Variants in SGMS2 observed in about 807,000 individuals in gnomAD.
The protein encoded by SGMS2 is phosphatidylcholine:ceramide cholinephosphotransferase 2.
In SGMS2, 21 loss-of-function variants were observed where a neutral mutation model predicts 43.8. That is an observed-to-expected ratio of 0.48 (90% confidence interval 0.34 to 0.69). SGMS2 has a LOEUF of 0.69. SGMS2 is among the 30% of genes least tolerant of loss of function. The pLI, the probability that SGMS2 is intolerant of heterozygous loss-of-function variation, is 0.01. For synonymous variants in SGMS2, 167 were observed against 160.6 expected (o/e 1.04, Z -0.30); for missense variants, 384 against 443.2 (o/e 0.87, Z 1.20).
In SGMS2 at chr4:107,895,908, G is replaced by T. The variant is rs1425626659; in HGVS notation, c.355G>T (p.Asp119Tyr). 4 of 1,613,896 alleles carry T rather than the reference G, an allele frequency of 2.5e-6. No individual in the cohort carries two copies. Among genetic ancestry groups the T allele is most frequent in the Non-Finnish European group, 3.4e-6 (4 of 1,179,914 alleles). Residue 119 changes from aspartate (D) to tyrosine (Y), a missense_variant, in exon 3 of 7, where the codon GAT becomes TAT. By Grantham distance (160) the Asp-to-Tyr change is radical (BLOSUM62 -3). Transcript: ENST00000690982. ...LSPPLPDKFF[D>Y]YIDRVKWAFS... ...CCCTCCACTCCCAGACAAGTTTTTT[G>T]ATTACATTGATAGGGTGAAATGGGC...
At chr4:107,899,800 C>A (rs995246636) in intron 4 of SGMS2, 108 bp downstream of exon 4, 1 of 574,706 alleles carries the variant, frequency 1.7e-6, no homozygotes, top group Middle Eastern at 2.8e-4. Context: ...TAGCTGAAAT[C>A]TAGCATCTTT....
At position 107,914,263 on chromosome 4, in the gene SGMS2, G is replaced by GA. The variant is rs764602361; in HGVS notation, c.*3711dup. The GA allele has an allele frequency of 9.2e-5, 14 of 152,014 alleles. No homozygotes were observed. The East Asian group carries it at 1.9e-3, about 21-fold the overall frequency. The allele number at this position is 152,014 out of a possible 1,614,324, so 9.4% of individuals were successfully genotyped here. ...TACAGATACACACCTTATAAGTTCT[G>GA]ATTTATTTTCTTACTCATTATGCTG... On this transcript the variant is annotated 3_prime_UTR_variant, in exon 7 of 7. Transcript: ENST00000690982.
chr4:107,839,666 GA>G (rs1308795293), intron 1 of SGMS2, among the ~76,000 whole-genome samples: 2 of 152,088 alleles, frequency 1.3e-5, no homozygotes, highest in Non-Finnish European at 2.9e-5. Context: ...CTTAATTAAA[GA>G]AAATATTAAG....
intron 1 of SGMS2, among the ~76,000 whole-genome samples, chr4:107,842,724 A>C (rs1311240467): frequency 6.6e-6 from 1 of 152,204 alleles, no homozygotes; most frequent in Non-Finnish European, 1.5e-5. Context: ...AACATTTTAA[A>C]GGCATTACAT....
rs1732206659 is a variant in SGMS2 at position 107,912,787 on chromosome 4, A to C, written c.*2234A>C. 2 of 152,184 alleles carry C rather than the reference A, an allele frequency of 1.3e-5. No homozygotes were observed. The highest frequency in any genetic ancestry group is 4.1e-4 in the South Asian group (2 of 4,830). 9.4% of individuals were successfully genotyped at this position (152,184 alleles called of 1,614,324 possible). ...TCCAGTTTTTTTTTAATTTAAAAAA[A>C]ACCATCACCTTTTAAAGAACTTTAA... is the stretch of plus-strand genomic sequence containing the variant. On this transcript the variant is annotated 3_prime_UTR_variant, in exon 7 of 7. Transcript: ENST00000690982.
chr4:107,826,038 G>A (rs921582614), intron 1 of SGMS2, among the ~76,000 whole-genome samples: 2 of 152,084 alleles, frequency 1.3e-5, no homozygotes, highest in African/African-American at 4.8e-5. Context: ...CAAATCCTTG[G>A]TTTCATTACC....
chr4:107,855,264 T>C (rs1015937319), intron 1 of SGMS2, among the ~76,000 whole-genome samples: 19 of 152,162 alleles, frequency 1.2e-4, no homozygotes, highest in African/African-American at 4.6e-4. Context: ...TCTTTTCTAG[T>C]TCCTTGAGGT....
intron 2 of SGMS2, among the ~76,000 whole-genome samples, chr4:107,870,041 C>T (rs1728443399): frequency 6.6e-6 from 1 of 152,128 alleles, no homozygotes; most frequent in Non-Finnish European, 1.5e-5. Flanking sequence ...TTTATATCTT[C>T]TTGGTGAGCT....
intron 1 of SGMS2, among the ~76,000 whole-genome samples, chr4:107,847,848 C>A (rs553804091): frequency 6.6e-6 from 1 of 152,084 alleles, no homozygotes. Flanking sequence ...ACTGAGTTCC[C>A]ATAAGCTATA....
chr4:107,901,177 A>C (rs1439433602), intron 4 of SGMS2, among the ~76,000 whole-genome samples: 3 of 152,194 alleles, frequency 2.0e-5, no homozygotes, highest in African/African-American at 7.2e-5. Context: ...TGGAACCTCT[A>C]GTAACATCCT....
chr4:107,854,058 GTTGA>G (rs750741912), intron 1 of SGMS2, among the ~76,000 whole-genome samples: 1 of 152,172 alleles, frequency 6.6e-6, no homozygotes, highest in Non-Finnish European at 1.5e-5. Context: ...CATTGCTATA[GTTGA>G]TTAATAAGAT....
chr4:107,856,605 G>C (rs1360326589), intron 1 of SGMS2, among the ~76,000 whole-genome samples: 6 of 152,170 alleles, frequency 3.9e-5, no homozygotes, highest in Non-Finnish European at 7.3e-5. Flanking sequence ...AGTCGAGAGA[G>C]GGTGATAACC....
chr4:107,895,404 G>T lies in SGMS2; in HGVS notation c.-150G>T. 6 of 773,092 alleles carry T rather than the reference G, an allele frequency of 7.8e-6. No homozygotes were observed. Among genetic ancestry groups the T allele is most frequent in the South Asian group, 1.9e-5 (1 of 52,554 alleles). 47.9% of individuals were successfully genotyped at this position (773,092 alleles called of 1,614,324 possible). On this transcript the variant is annotated 5_prime_UTR_variant, in exon 3 of 7. The change creates a premature stop within an existing upstream ORF in the 5' untranslated region. Transcript: ENST00000690982. ...TAGCTGCATGGAAGAAACAGTAATC[G>T]GATGGCTACCTTCTACATTTTGTAT...
chr4:107,876,485 A>G (rs1728919865), intron 2 of SGMS2, among the ~76,000 whole-genome samples: 1 of 152,214 alleles, frequency 6.6e-6, no homozygotes, highest in South Asian at 2.1e-4. Flanking sequence ...TATCTCTTCC[A>G]TTGCACTAGT....
At chr4:107,865,294 T>C (rs2126041595) in intron 2 of SGMS2, among the ~76,000 whole-genome samples, 1 of 152,326 alleles carries the variant, frequency 6.6e-6, no homozygotes, top group East Asian at 1.9e-4. Context: ...CAATCTGGGA[T>C]TGCTAATCTT....
intron 5 of SGMS2, among the ~76,000 whole-genome samples, chr4:107,905,846 T>C (rs1415001324): frequency 6.6e-6 from 1 of 152,228 alleles, no homozygotes; most frequent in Non-Finnish European, 1.5e-5. Flanking sequence ...TTTTATACTT[T>C]AATGAAGGCC....
At chr4:107,841,242 A>G (rs1163719051) in intron 1 of SGMS2, among the ~76,000 whole-genome samples, 2 of 152,194 alleles carry the variant, frequency 1.3e-5, no homozygotes, top group African/African-American at 4.8e-5. Context: ...GAGACTCATT[A>G]AGTAATTTGT....
intron 3 of SGMS2, among the ~76,000 whole-genome samples, chr4:107,898,687 A>T (rs1207984802): frequency 6.6e-6 from 1 of 152,154 alleles, no homozygotes; most frequent in African/African-American, 2.4e-5. Context: ...CAGACCCATG[A>T]TGCCCATTCA....
At chr4:107,876,658 G>A (rs550238610) in intron 2 of SGMS2, among the ~76,000 whole-genome samples, 3 of 152,240 alleles carry the variant, frequency 2.0e-5, no homozygotes, top group Non-Finnish European at 2.9e-5. Flanking sequence ...ATAATCTGAA[G>A]GTCACAGAAT....
Sources: allele counts gnomAD v4.1 joint callset (sites outside exome capture counted in the v4.1 genomes callset), GRCh38; gene constraint gnomAD v4.1.1; transcripts MANE v1.5; gene names NCBI Gene and HGNC (gene_info 2026-07-23, HGNC 2026-07-21).